The following FHL2 variants were observed in gnomAD, a reference collection of about 807,000 sequenced individuals.
The protein encoded by FHL2 is four and a half LIM domains protein 2.
FHL2 carries 20 observed loss-of-function variants against 32.7 expected under a neutral mutation model. The observed-to-expected ratio is 0.61, with a 90% CI of 0.43 to 0.89. FHL2 has a LOEUF of 0.89. FHL2 is among the 40% of genes least tolerant of loss of function. FHL2 has a pLI of 0.00. For synonymous variants in FHL2, 123 were observed against 128.1 expected (o/e 0.96, Z 0.27); for missense variants, 311 against 358.6 (o/e 0.87, Z 1.07).
At chr2:105,396,527 A>G in intron 2 of FHL2, 120 bp downstream of exon 2, 1 of 832,930 alleles carries the variant, frequency 1.2e-6, no homozygotes, top group Non-Finnish European at 2.0e-6. Context: ...CACCCAGAAC[A>G]TATGACTGAA....
chr2:105,361,563 T>G, intron 6 of FHL2, 129 bp from the exon 7 acceptor site: 1 of 742,426 alleles, frequency 1.3e-6, no homozygotes, highest in Non-Finnish European at 2.2e-6. Flanking sequence ...GAATTTCTAG[T>G]GACTGGGTGT....
At chr2:105,429,989 G>T (rs1684379961) in intron 1 of FHL2, among the ~76,000 whole-genome samples, 1 of 152,178 alleles carries the variant, frequency 6.6e-6, no homozygotes. Context: ...CGTGGTTCTG[G>T]GAAGTTAAAA....
At chr2:105,395,915 G>A (rs1286421378) in intron 2 of FHL2, among the ~76,000 whole-genome samples, 1 of 152,136 alleles carries the variant, frequency 6.6e-6, no homozygotes, top group East Asian at 1.9e-4. Flanking sequence ...CACCAGGCAA[G>A]ACACCACCCA....
upstream of FHL2, chr2:105,399,418 G>C (rs750716458): frequency 2.0e-6 from 3 of 1,536,122 alleles, no homozygotes; most frequent in South Asian, 3.6e-5. Context: ...AGGACGTGCC[G>C]GGGGAGGCGG....
rs369723697 is a variant in FHL2 at position 105,398,482 on chromosome 2, C to T, written c.-76+360G>A. On this transcript the variant is annotated intron_variant, in intron 1 of 6. Coordinates refer to ENST00000530340, the MANE Select transcript of FHL2 (RefSeq NM_001318895.3). ...CCCGCTCGGGAGTCGGGCCTGGAAG[C>T]AGGCGGACAGCGTCACCTCCCCGCA... 2.2e-4 allele frequency among the ~76,000 whole-genome samples: 34 copies of T among 152,322 alleles called. No individual in the cohort carries two copies. The East Asian group carries it at 4.3e-3, about 19-fold the overall frequency.
intron 1 of FHL2, among the ~76,000 whole-genome samples, chr2:105,412,400 A>T (rs1353510021): frequency 6.6e-6 from 1 of 152,326 alleles, no homozygotes; most frequent in Middle Eastern, 3.4e-3. Flanking sequence ...GAAAAAAACA[A>T]ACTGGTGGTG....
At chr2:105,403,855 G>A (rs1683547759), upstream of FHL2, among the ~76,000 whole-genome samples, 1 of 152,234 alleles carries the variant, frequency 6.6e-6, no homozygotes. Context: ...ACTCAGGGAA[G>A]CAGGAGGTAG....
chr2:105,391,618 G>A lies in FHL2; in HGVS notation c.-25+5029C>T, dbSNP rs147914341. Among the ~76,000 whole-genome samples, 516 of 152,316 alleles carry A rather than the reference G, an allele frequency of 3.4e-3. 2 individuals are homozygous for A. The highest frequency in any genetic ancestry group is 0.012 in the African/African-American group (488 of 41,566). On this transcript the variant is annotated intron_variant, in intron 2 of 6. Coordinates refer to ENST00000530340, the MANE Select transcript of FHL2 (RefSeq NM_001318895.3). The stretch of plus-strand genomic sequence containing the variant: ...AGGCAGTGGAGAAACGGACAGCCCA[G>A]TGAAAGTTTACTGCATGGAAGCCTG...
chr2:105,396,298 C>T (rs867716615), intron 2 of FHL2, among the ~76,000 whole-genome samples: 1 of 151,984 alleles, frequency 6.6e-6, no homozygotes, highest in African/African-American at 2.4e-5. Flanking sequence ...CTCTATAGAC[C>T]CAAGAAGAGC....
At chr2:105,429,056 C>T (rs1241019840) in intron 1 of FHL2, among the ~76,000 whole-genome samples, 1 of 152,144 alleles carries the variant, frequency 6.6e-6, no homozygotes, top group East Asian at 1.9e-4. Flanking sequence ...TCCTATACTG[C>T]AGAGGAGAAG....
At chr2:105,395,310 C>T (rs942134562) in intron 2 of FHL2, among the ~76,000 whole-genome samples, 6 of 152,238 alleles carry the variant, frequency 3.9e-5, no homozygotes, top group Admixed American at 2.0e-4. Context: ...AGACTCCATC[C>T]TGCATGCTAT....
intron 1 of FHL2, among the ~76,000 whole-genome samples, chr2:105,408,913 T>G (rs548395746): frequency 7.2e-5 from 11 of 152,262 alleles, no homozygotes; most frequent in Middle Eastern, 3.4e-3. Flanking sequence ...AGAGGGACCC[T>G]ACATCCAACG....
chr2:105,403,748 G>C (rs555852383), upstream of FHL2, among the ~76,000 whole-genome samples: 1 of 150,848 alleles, frequency 6.6e-6, no homozygotes, highest in Non-Finnish European at 1.5e-5. Context: ...TTTAGGGCGT[G>C]GGGGAGGGAC....
At chr2:105,435,441 G>A (rs1684580771) in intron 1 of FHL2, among the ~76,000 whole-genome samples, 2 of 152,120 alleles carry the variant, frequency 1.3e-5, no homozygotes, top group Non-Finnish European at 1.5e-5. Context: ...AATTACTCTA[G>A]ATTTATCTGC....
At chr2:105,367,907 C>T (rs529722327) in intron 4 of FHL2, among the ~76,000 whole-genome samples, 168 bp from the exon 5 acceptor site, 4 of 152,234 alleles carry the variant, frequency 2.6e-5, no homozygotes, top group South Asian at 2.1e-4. Flanking sequence ...TTGTGCAGGG[C>T]GTGGACTTTG....
intron 1 of FHL2, among the ~76,000 whole-genome samples, chr2:105,433,460 G>A (rs1220058142): frequency 2.0e-5 from 3 of 152,178 alleles, no homozygotes; most frequent in African/African-American, 7.2e-5. Context: ...GGGATTACAG[G>A]CGTGAGCCAC....
chr2:105,359,189 G>A (rs1401060285), downstream of FHL2: 1 of 147,368 alleles, frequency 6.8e-6, no homozygotes, highest in Non-Finnish European at 1.5e-5. Context: ...TACTAGAAGT[G>A]GAATTCCCCC....
upstream of FHL2, among the ~76,000 whole-genome samples, chr2:105,400,102 A>G (rs547355855): frequency 4.6e-5 from 7 of 152,230 alleles, no homozygotes; most frequent in South Asian, 1.5e-3. Flanking sequence ...CACTAGCTCT[A>G]CCTGGTATCT....
Position 105,361,163 on chromosome 2 carries a change from A to T in FHL2, c.*120T>A. The T allele has an allele frequency of 1.0e-6, 1 of 993,398 alleles. No individual in the cohort carries two copies. The highest frequency in any genetic ancestry group is 1.6e-5 in the South Asian group (1 of 63,102). The allele number at this position is 993,398 out of a possible 1,614,324, so 61.5% of individuals were successfully genotyped here. On this transcript the variant is annotated 3_prime_UTR_variant, in exon 7 of 7. Coordinates refer to ENST00000530340, the MANE Select transcript of FHL2 (RefSeq NM_001318895.3). Reference sequence around the variant, plus strand: ...TAAGCAAACGTGAGTATCACTGAAAAGCACTAGAAGAAAGTCTCAATGTGG... The same window carrying T: ...TAAGCAAACGTGAGTATCACTGAAATGCACTAGAAGAAAGTCTCAATGTGG...
Sources: gnomAD v4.1 joint callset for allele counts (sites outside exome capture counted in the v4.1 genomes callset) on GRCh38, gnomAD v4.1.1 for gene constraint, MANE v1.5 for transcripts, NCBI Gene and HGNC (gene_info 2026-07-23, HGNC 2026-07-21) for gene names.